Variants in PUDP observed in about 807,000 individuals in gnomAD.
The protein encoded by PUDP is pseudouridine-5'-phosphatase.
PUDP carries 8 observed loss-of-function variants against 9.4 expected under a neutral mutation model. The ratio of observed to expected loss-of-function variants is 0.85; its 90% CI spans 0.50 to 1.53. PUDP has a LOEUF of 1.53. Among genes scored for constraint, PUDP ranks in the 40% most tolerant of loss-of-function variants. PUDP has a pLI of 0.00. For synonymous variants in PUDP, 99 were observed against 80.7 expected (o/e 1.23, Z -1.22); for missense variants, 188 against 189.7 (o/e 0.99, Z 0.05).
chrX:7,125,054 C>G (rs1303949272), intron 1 of PUDP, among the ~76,000 whole-genome samples: 1 of 108,838 alleles, frequency 9.2e-6, no homozygotes, highest in Non-Finnish European at 1.9e-5. Flanking sequence ...TAAAAATAAA[C>G]TTTTAAACGT....
chrX:7,015,906 A>G (rs1374366016), intron 1 of PUDP, among the ~76,000 whole-genome samples: 3 of 110,580 alleles, frequency 2.7e-5, no homozygotes, highest in Non-Finnish European at 5.7e-5. Flanking sequence ...CAGTTTTTAC[A>G]CAGGAAGGTA....
intron 3 of PUDP, among the ~76,000 whole-genome samples, chrX:6,948,880 T>G (rs1046129300): frequency 9.0e-6 from 1 of 111,575 alleles, no homozygotes; most frequent in African/African-American, 3.3e-5. Context: ...CCATGGAAAT[T>G]TAAACAACTA....
chrX:7,111,892 T>G (rs1213864488), intron 1 of PUDP, among the ~76,000 whole-genome samples: 1 of 110,865 alleles, frequency 9.0e-6, no homozygotes, highest in Non-Finnish European at 1.9e-5. Context: ...TTATAGGGAA[T>G]TGACAAGATC....
At chrX:6,921,841 C>T (rs767429129) in intron 3 of PUDP, among the ~76,000 whole-genome samples, 1 of 111,327 alleles carries the variant, frequency 9.0e-6, no homozygotes, top group East Asian at 2.8e-4. Flanking sequence ...TCTCTTCCTT[C>T]AATTGTGTGT....
At chrX:6,846,322 G>A (rs918692836) in intron 3 of PUDP, among the ~76,000 whole-genome samples, 3 of 108,338 alleles carry the variant, frequency 2.8e-5, no homozygotes, top group East Asian at 5.8e-4. Flanking sequence ...GGAAAATGGC[G>A]CGGCGTGAAC....
intron 3 of PUDP, among the ~76,000 whole-genome samples, chrX:6,879,828 A>T (rs948724832): frequency 4.5e-5 from 5 of 111,400 alleles, no homozygotes; most frequent in Admixed American, 1.9e-4. Context: ...CCCATAAATC[A>T]GCCTGCCCTG....
chrX:7,023,720 A>G (rs897981650), intron 1 of PUDP, among the ~76,000 whole-genome samples: 7 of 112,088 alleles, frequency 6.2e-5, no homozygotes, highest in Admixed American at 4.7e-4. Flanking sequence ...TCTTTATGCC[A>G]ATACCACACT....
intron 3 of PUDP, among the ~76,000 whole-genome samples, chrX:7,053,815 G>A (rs762625647): frequency 3.6e-5 from 4 of 111,729 alleles, no homozygotes; most frequent in Non-Finnish European, 7.5e-5. Context: ...AGGCAACTAA[G>A]TGAGGGCTGT....
chrX:7,009,966 A>G (rs1335624250), intron 1 of PUDP, among the ~76,000 whole-genome samples: 9 of 111,823 alleles, frequency 8.0e-5, no homozygotes, highest in Non-Finnish European at 1.7e-4. Context: ...GAAGGTTCCA[A>G]TGTTTGGAAT....
intron 3 of PUDP, among the ~76,000 whole-genome samples, chrX:6,866,104 T>G (rs1239172687): frequency 9.1e-6 from 1 of 110,383 alleles, no homozygotes; most frequent in East Asian, 2.8e-4. Flanking sequence ...TTTTTATTTT[T>G]GTAGAGATAA....
rs776997636 is a variant in PUDP at position 6,971,168 on chromosome X, G to A, written c.*247+5965C>T. On this transcript the variant is annotated intron_variant and NMD_transcript_variant, in intron 3 of 3. Coordinates refer to the PUDP transcript ENST00000655425. ...ACAAGAGGATGCTGCATGTTCATGC[G>A]CCACCTGACAGATCCATTTATACAG... Among the ~76,000 whole-genome samples the A allele has an allele frequency of 1.2e-4, 13 of 111,551 alleles. No homozygotes were observed. In the South Asian group the frequency reaches 2.7e-3, roughly 23 times the overall value.
intron 3 of PUDP, among the ~76,000 whole-genome samples, chrX:6,961,798 C>T (rs1479648397): frequency 8.9e-6 from 1 of 111,820 alleles, no homozygotes; most frequent in Non-Finnish European, 1.9e-5. Flanking sequence ...GAGCCTCATT[C>T]TTGCACTGCT....
intron 3 of PUDP, among the ~76,000 whole-genome samples, chrX:6,799,844 AT>A (rs1193770364): frequency 1.8e-5 from 2 of 111,668 alleles, no homozygotes; most frequent in African/African-American, 6.5e-5. Flanking sequence ...CTCAAAAAAA[AT>A]AATAAAAAAA....
intron 3 of PUDP, among the ~76,000 whole-genome samples, chrX:6,762,050 G>T (rs1925233935): frequency 9.0e-6 from 1 of 111,189 alleles, no homozygotes. Flanking sequence ...AAATCAGCTG[G>T]GTGACGTGGC....
At chrX:6,821,825 C>T (rs1193641959) in intron 3 of PUDP, among the ~76,000 whole-genome samples, 5 of 111,928 alleles carry the variant, frequency 4.5e-5, no homozygotes, top group African/African-American at 9.7e-5. Context: ...ATGGAGCCTC[C>T]GTCTTCCCTT....
chrX:6,709,044 G>GC (rs1924502297), intron 1 of PUDP, among the ~76,000 whole-genome samples: 1 of 112,229 alleles, frequency 8.9e-6, no homozygotes, highest in East Asian at 2.8e-4. Context: ...GAACAGATGA[G>GC]CATGGCTCAG....
chrX:7,087,445 G>C (rs1420547618), intron 2 of PUDP, among the ~76,000 whole-genome samples: 1 of 111,939 alleles, frequency 8.9e-6, no homozygotes, highest in Non-Finnish European at 1.9e-5. Flanking sequence ...GTGTCAGACA[G>C]TTAAGTTTCT....
chrX:6,954,151 T>C (rs1039445844), intron 3 of PUDP, among the ~76,000 whole-genome samples: 1 of 111,126 alleles, frequency 9.0e-6, no homozygotes, highest in African/African-American at 3.3e-5. Context: ...CTTTTTCCTA[T>C]ATAAATTACC....
At chrX:6,959,183 G>A (rs1325074182) in intron 3 of PUDP, among the ~76,000 whole-genome samples, 1 of 111,831 alleles carries the variant, frequency 8.9e-6, no homozygotes, top group Non-Finnish European at 1.9e-5. Context: ...AGAACAATGG[G>A]AGAATGATCC....
Sources: gnomAD v4.1 joint callset for allele counts (sites outside exome capture counted in the v4.1 genomes callset) on GRCh38, gnomAD v4.1.1 for gene constraint, MANE v1.5 for transcripts, NCBI Gene and HGNC (gene_info 2026-07-23, HGNC 2026-07-21) for gene names.